The following KCNB2 variants were observed in gnomAD, a reference collection of about 807,000 sequenced individuals.
The protein encoded by KCNB2 is potassium voltage-gated channel subfamily B member 2, also known as delayed rectifier potassium channel protein.
Under a neutral mutation model 61.5 loss-of-function variants are expected in KCNB2, and 15 were observed. The ratio of observed to expected loss-of-function variants is 0.24; its 90% confidence interval spans 0.16 to 0.38. KCNB2 has a LOEUF of 0.38. KCNB2 is among the 10% of genes least tolerant of loss of function. The pLI, the probability that KCNB2 is intolerant of heterozygous loss-of-function variation, is 1.00. For missense variants in KCNB2, 828 were observed against 1,125.2 expected, an observed-to-expected ratio of 0.74 and a Z score of 3.78; for synonymous variants, 457 against 446.0, an observed-to-expected ratio of 1.02 and a Z score of -0.31.
At chr8:72,802,827 A>C (rs750707872) in intron 2 of KCNB2, among the ~76,000 whole-genome samples, 3 of 152,190 alleles carry the variant, frequency 2.0e-5, no homozygotes, top group Non-Finnish European at 4.4e-5. Context: ...AGGATAAGCA[A>C]TAATGACCTA....
At chr8:72,678,970 C>CT (rs111656506) in intron 2 of KCNB2, among the ~76,000 whole-genome samples, 4,314 of 152,138 alleles carry the variant, frequency 0.028, 83 homozygotes, top group South Asian at 0.074. Context: ...TTTGAGGAAT[C>CT]TTTTTTCTCT....
intron 2 of KCNB2, among the ~76,000 whole-genome samples, chr8:72,571,957 G>C (rs1251681265): frequency 6.6e-6 from 1 of 152,140 alleles, no homozygotes; most frequent in African/African-American, 2.4e-5. Context: ...AACTGCAGTT[G>C]CTAGTTCCCT....
In KCNB2 at chr8:72,682,692, C is replaced by T. The variant is rs149146222; in HGVS notation, c.579+114379C>T. ...CACTGCAGCCTCAATTTCCTGGGCT[C>T]AAACAATCCTCCCACCTCAGCCTTC... is the stretch of plus-strand genomic sequence containing the variant. On this transcript the variant is annotated intron_variant, in intron 2 of 2. Coordinates refer to ENST00000523207, the MANE Select transcript of KCNB2 (RefSeq NM_004770.3). Among the ~76,000 whole-genome samples, 59 of 152,180 alleles carry T rather than the reference C, an allele frequency of 3.9e-4. No individual in the cohort carries two copies. In the East Asian group the frequency reaches 6.2e-3, roughly 16 times the overall value.
chr8:72,818,530 A>G (rs1346880158), intron 2 of KCNB2, among the ~76,000 whole-genome samples: 1 of 152,208 alleles, frequency 6.6e-6, no homozygotes, highest in Non-Finnish European at 1.5e-5. Context: ...AGAACTAAGT[A>G]ATATGAACTA....
chr8:72,699,580 G>A (rs1807080051), intron 2 of KCNB2, among the ~76,000 whole-genome samples: 1 of 152,108 alleles, frequency 6.6e-6, no homozygotes, highest in South Asian at 2.1e-4. Context: ...CTTCTGCTGT[G>A]CAGACGCTCT....
intron 2 of KCNB2, among the ~76,000 whole-genome samples, chr8:72,640,620 T>C (rs941429945): frequency 6.6e-6 from 1 of 152,112 alleles, no homozygotes; most frequent in Admixed American, 6.6e-5. Flanking sequence ...ATTTATATTT[T>C]TAAGCTTTAC....
Position 72,758,840 on chromosome 8 carries a change from G to A in KCNB2, c.580-177095G>A, listed in dbSNP as rs374712340. ...AAAGAACATTGGTTATTTCCCATGG[G>A]CATTTCATTAATGGAGAAAAAACAG... On this transcript the variant is annotated intron_variant, in intron 2 of 2. Transcript: ENST00000523207. Among the ~76,000 whole-genome samples the A allele has an allele frequency of 1.3e-3, 192 of 152,210 alleles. 1 individual carries two copies. The Middle Eastern group carries it at 0.02, about 16-fold the overall frequency.
intron 2 of KCNB2, among the ~76,000 whole-genome samples, chr8:72,778,863 A>T (rs1265616744): frequency 6.6e-6 from 1 of 152,000 alleles, no homozygotes; most frequent in Non-Finnish European, 1.5e-5. Flanking sequence ...TTATATCCCA[A>T]CACAACCTCG....
intron 2 of KCNB2, among the ~76,000 whole-genome samples, chr8:72,573,660 T>G (rs534064592): frequency 5.3e-5 from 8 of 151,086 alleles, no homozygotes; most frequent in African/African-American, 1.7e-4. Flanking sequence ...CTGTGTACCG[T>G]GCAGTGCTCT....
chr8:72,707,935 G>A (rs1257849630), intron 2 of KCNB2, among the ~76,000 whole-genome samples: 1 of 152,182 alleles, frequency 6.6e-6, no homozygotes, highest in Non-Finnish European at 1.5e-5. Context: ...GCCCCAAGAG[G>A]TGGTGTTTAG....
intron 2 of KCNB2, among the ~76,000 whole-genome samples, chr8:72,901,280 A>C (rs1053976722): frequency 2.0e-5 from 3 of 152,164 alleles, no homozygotes; most frequent in African/African-American, 7.2e-5. Context: ...GAGGGCAGTA[A>C]CAATGTTGGG....
chr8:72,734,663 C>G (rs917654644), intron 2 of KCNB2, among the ~76,000 whole-genome samples: 1 of 152,088 alleles, frequency 6.6e-6, no homozygotes, highest in Non-Finnish European at 1.5e-5. Flanking sequence ...TTGCCATGCC[C>G]CCTGAATGTC....
At chr8:72,739,015 C>T (rs1488911341) in intron 2 of KCNB2, among the ~76,000 whole-genome samples, 3 of 152,058 alleles carry the variant, frequency 2.0e-5, no homozygotes, top group Non-Finnish European at 2.9e-5. Context: ...TTTTCTTTCT[C>T]TTTGAATTTA....
At chr8:72,617,017 G>C (rs1031964706) in intron 2 of KCNB2, among the ~76,000 whole-genome samples, 1 of 152,140 alleles carries the variant, frequency 6.6e-6, no homozygotes, top group Non-Finnish European at 1.5e-5. Flanking sequence ...CCTCGAGCCA[G>C]GTGTCTGCTC....
At chr8:72,557,900 GC>G (rs1057255642) in intron 1 of KCNB2, among the ~76,000 whole-genome samples, 2 of 152,104 alleles carry the variant, frequency 1.3e-5, no homozygotes, top group African/African-American at 4.8e-5. Context: ...TTTAACACAG[GC>G]CTTGTTAAAG....
intron 2 of KCNB2, among the ~76,000 whole-genome samples, chr8:72,584,113 A>AAC (rs1554577536): frequency 3.0e-4 from 45 of 150,454 alleles, no homozygotes; most frequent in South Asian, 2.7e-3. Flanking sequence ...AAACAAAAAA[A>AAC]AACAGAAAAA....
chr8:72,687,160 T>C (rs1306315011), intron 2 of KCNB2, among the ~76,000 whole-genome samples: 1 of 152,236 alleles, frequency 6.6e-6, no homozygotes, highest in African/African-American at 2.4e-5. Context: ...TTAATGTGGA[T>C]GGTCTCTGAT....
At chr8:72,775,886 C>T (rs1037323875) in intron 2 of KCNB2, among the ~76,000 whole-genome samples, 1 of 152,310 alleles carries the variant, frequency 6.6e-6, no homozygotes, top group African/African-American at 2.4e-5. Context: ...TTTGACCCAG[C>T]CATCCCATTA....
In KCNB2 at chr8:72,568,086, T is replaced by C. The variant is rs371078506; in HGVS notation, c.352T>C (p.Ser118Pro). 3.1e-6 allele frequency: 5 copies of C among 1,613,978 alleles called. No homozygotes were observed. Among genetic ancestry groups the C allele is most frequent in the African/African-American group, 2.7e-5 (2 of 74,880 alleles). ...LHMMEEMCAL[S>P]FGQELDYWGI... ...TATGATGGAAGAAATGTGTGCACTTTCGTTTGGCCAAGAACTTGATTACTG... is the reference window on the plus strand; with the variant it reads ...TATGATGGAAGAAATGTGTGCACTTCCGTTTGGCCAAGAACTTGATTACTG... The change falls in exon 2 of 3, where the codon TCG (serine) becomes CCG (proline). Residue 118 changes from serine to proline, a missense_variant. By Grantham distance (74) the Ser-to-Pro change is moderately conservative. This residue lies in a region of KCNB2 where 163 missense variants were observed against 314.4 expected (regional missense o/e 0.52). Transcript: ENST00000523207.
Sources: gnomAD v4.1 joint callset for allele counts (sites outside exome capture counted in the v4.1 genomes callset) on GRCh38, gnomAD v4.1.1 for gene constraint, gnomAD v4.1.1 regional missense constraint, MANE v1.5 for transcripts, NCBI Gene and HGNC (gene_info 2026-07-23, HGNC 2026-07-21) for gene names.